CTNNA2: variants seen among roughly 807,000 people sequenced by gnomAD.
CTNNA2 encodes the protein catenin alpha 2, also known as catenin alpha-2.
A neutral mutation model predicts 101.0 loss-of-function variants in CTNNA2; 42 were observed. The ratio of observed to expected loss-of-function variants is 0.42; its 90% CI spans 0.32 to 0.54. The LOEUF (loss-of-function observed/expected upper bound fraction) is 0.54, where lower values mean the gene tolerates loss of function less well. CTNNA2 is among the 20% of genes least tolerant of loss of function. The pLI, the probability that CTNNA2 is intolerant of heterozygous loss-of-function variation, is 0.14. For missense variants in CTNNA2, 871 were observed against 1,223.1 expected, an observed-to-expected ratio of 0.71 and a Z score of 4.29; for synonymous variants, 450 against 456.4, an observed-to-expected ratio of 0.99 and a Z score of 0.18.
chr2:79,613,891 A>G (rs778196280), intron 1 of CTNNA2, among the ~76,000 whole-genome samples: 41 of 152,128 alleles, frequency 2.7e-4, no homozygotes, highest in Non-Finnish European at 4.3e-4. Context: ...CATGGTGCCA[A>G]TACTGTTGTT....
intron 1 of CTNNA2, among the ~76,000 whole-genome samples, chr2:79,645,638 T>C (rs1476678504): frequency 6.6e-6 from 1 of 152,206 alleles, no homozygotes; most frequent in Non-Finnish European, 1.5e-5. Flanking sequence ...AGATTTCCAG[T>C]GGCATCCCTA....
chr2:79,315,803 T>A (rs965988797), intron 3 of CTNNA2, among the ~76,000 whole-genome samples: 1 of 152,132 alleles, frequency 6.6e-6, no homozygotes, highest in East Asian at 1.9e-4. Flanking sequence ...CTGTGATAAC[T>A]CCATGTTTAA....
rs574824811 is a variant in CTNNA2 at position 79,565,064 on chromosome 2, G to C, written c.-6+51857G>C. Among the ~76,000 whole-genome samples the C allele has an allele frequency of 1.1e-4, 16 of 152,088 alleles. No individual in the cohort carries two copies. The East Asian group carries it at 3.1e-3, about 29-fold the overall frequency. ...TTTTTGGGCAGTTGGGGAGAGCAAG[G>C]ATTTAAGTGAGGGAATGACTTGATT... On this transcript the variant is annotated intron_variant, in intron 1 of 18. Transcript: ENST00000402739.
intron 4 of CTNNA2, among the ~76,000 whole-genome samples, chr2:79,483,769 G>A (rs183261723): frequency 2.1e-4 from 32 of 152,266 alleles, no homozygotes; most frequent in African/African-American, 5.3e-4. Flanking sequence ...GTAGTATTCC[G>A]TGGTGTATAC....
chr2:79,469,028 T>A (rs1287064305), intron 4 of CTNNA2, among the ~76,000 whole-genome samples: 1 of 151,606 alleles, frequency 6.6e-6, no homozygotes, highest in African/African-American at 2.4e-5. Context: ...ATAACTAAGA[T>A]CAGAGCAGAA....
chr2:79,955,389 C>G (rs553156217), intron 7 of CTNNA2, among the ~76,000 whole-genome samples: 1 of 152,142 alleles, frequency 6.6e-6, no homozygotes, highest in South Asian at 2.1e-4. Context: ...GGGAGGATGA[C>G]TTTATTTCTT....
intron 7 of CTNNA2, among the ~76,000 whole-genome samples, chr2:80,188,944 CTTTTTTT>C (rs34090029): frequency 2.9e-4 from 22 of 74,714 alleles, no homozygotes; most frequent in Admixed American, 1.8e-3. Context: ...CAGGTGGTCA[CTTTTTTT>C]TTTTTTTTTT....
At chr2:79,876,715 G>A (rs1683049821) in intron 6 of CTNNA2, among the ~76,000 whole-genome samples, 2 of 152,076 alleles carry the variant, frequency 1.3e-5, no homozygotes, top group Admixed American at 1.3e-4. Context: ...TGTAACAACC[G>A]ATGCGTCAGT....
chr2:79,406,519 A>C (rs944802259), intron 4 of CTNNA2, among the ~76,000 whole-genome samples: 50 of 151,912 alleles, frequency 3.3e-4, no homozygotes, highest in African/African-American at 1.2e-3. Context: ...CTTACTAGTC[A>C]TGTATCTCCT....
intron 8 of CTNNA2, among the ~76,000 whole-genome samples, chr2:80,409,822 G>A (rs1181624730): frequency 6.6e-6 from 1 of 152,022 alleles, no homozygotes; most frequent in Non-Finnish European, 1.5e-5. Context: ...CTAAAACTGT[G>A]GCATTTGTGT....
rs1423646131 is a variant in CTNNA2 at position 79,744,378 on chromosome 2, A to G, written c.103-9A>G. ...AAAGAAGTTTTACAGTTTCTCTTTT[A>G]TATTTAAGGTGACTACACTTGTCAA... On this transcript the variant is annotated splice_polypyrimidine_tract_variant and intron_variant, in intron 2 of 18. Transcript: ENST00000402739. The G allele has an allele frequency of 6.3e-7, 1 of 1,587,152 alleles. No homozygotes were observed. Among genetic ancestry groups the G allele is most frequent in the Non-Finnish European group, 8.5e-7 (1 of 1,171,366 alleles).
chr2:79,536,929 T>C (rs1276283655), intron 1 of CTNNA2, among the ~76,000 whole-genome samples: 1 of 152,144 alleles, frequency 6.6e-6, no homozygotes, highest in Non-Finnish European at 1.5e-5. Context: ...CTCGAACTCC[T>C]GAGCTCGGAC....
chr2:79,820,586 T>G (rs1344547087), intron 3 of CTNNA2, among the ~76,000 whole-genome samples: 1 of 152,234 alleles, frequency 6.6e-6, no homozygotes, highest in Non-Finnish European at 1.5e-5. Flanking sequence ...ACTTAATGTG[T>G]ATGCATATAT....
rs534693322 is a variant in CTNNA2 at position 79,780,163 on chromosome 2, G to C, written c.298+35581G>C. 2.0e-4 allele frequency among the ~76,000 whole-genome samples: 30 copies of C among 152,188 alleles called. 1 individual carries two copies. Among genetic ancestry groups the C allele is most frequent in the Admixed American group, 3.9e-4 (6 of 15,286 alleles). On this transcript the variant is annotated intron_variant, in intron 3 of 18. Coordinates refer to ENST00000402739, the MANE Select transcript of CTNNA2 (RefSeq NM_001282597.3). Reference sequence around the variant, plus strand: ...GAACTTGGAAGCCTGGCTTCCACTTGTCCTACCTTTCCAGACTGAACCAAT... The same window carrying C: ...GAACTTGGAAGCCTGGCTTCCACTTCTCCTACCTTTCCAGACTGAACCAAT...
intron 7 of CTNNA2, among the ~76,000 whole-genome samples, chr2:79,999,592 T>G (rs955324612): frequency 6.6e-6 from 1 of 152,226 alleles, no homozygotes; most frequent in African/African-American, 2.4e-5. Flanking sequence ...ATACATTATT[T>G]TATTTATTTA....
At chr2:79,781,311 T>G (rs1361440251) in intron 3 of CTNNA2, among the ~76,000 whole-genome samples, 1 of 152,130 alleles carries the variant, frequency 6.6e-6, no homozygotes. Context: ...TTTGGTGGGT[T>G]TTAGCTGGTT....
intron 1 of CTNNA2, among the ~76,000 whole-genome samples, chr2:79,549,763 A>G (rs1312126386): frequency 6.6e-6 from 1 of 152,138 alleles, no homozygotes; most frequent in Non-Finnish European, 1.5e-5. Flanking sequence ...ATGGTGTATT[A>G]ATTGGGGATA....
rs868778969 is a variant in CTNNA2 at position 79,809,544 on chromosome 2, G to T, written c.299-48469G>T. 2.4e-4 allele frequency among the ~76,000 whole-genome samples: 36 copies of T among 152,198 alleles called. No individual in the cohort carries two copies. In the Middle Eastern group the frequency reaches 0.014, roughly 58 times the overall value. On this transcript the variant is annotated intron_variant, in intron 3 of 18. Coordinates refer to ENST00000402739, the MANE Select transcript of CTNNA2 (RefSeq NM_001282597.3). Reference sequence around the variant, plus strand: ...TTGCATTTCTCTAATGACCAGTGATGGTGAGCTTTTTTTCATATGTTTCTT... The same window carrying T: ...TTGCATTTCTCTAATGACCAGTGATTGTGAGCTTTTTTTCATATGTTTCTT...
chr2:80,297,821 A>C (rs1481095941), intron 7 of CTNNA2, among the ~76,000 whole-genome samples: 1 of 152,126 alleles, frequency 6.6e-6, no homozygotes, highest in Non-Finnish European at 1.5e-5. Flanking sequence ...AATGCCTGAA[A>C]ATACCATCAG....
Sources: gnomAD v4.1 joint callset for allele counts (sites outside exome capture counted in the v4.1 genomes callset) on GRCh38, gnomAD v4.1.1 for gene constraint, MANE v1.5 for transcripts, NCBI Gene and HGNC (gene_info 2026-07-23, HGNC 2026-07-21) for gene names.